Variants in ZFHX4 observed in about 807,000 individuals in gnomAD.
ZFHX4 encodes zinc finger homeobox protein 4.
A neutral mutation model predicts 267.6 loss-of-function variants in ZFHX4; 56 were observed. That is an observed-to-expected ratio of 0.21 (90% CI 0.17 to 0.26). ZFHX4 has a LOEUF of 0.26. Among genes scored for constraint, ZFHX4 ranks in the 10% least tolerant of loss-of-function variants. The probability of loss-of-function intolerance (pLI) is 1.00; values close to 1 mark genes in which losing one functional copy is unlikely to be tolerated. For missense variants in ZFHX4, 4,332 were observed against 4,420.0 expected, an observed-to-expected ratio of 0.98 and a Z score of 0.56; for synonymous variants, 1,778 against 1,665.6, an observed-to-expected ratio of 1.07 and a Z score of -1.64.
chr8:76,810,360 A>C (rs1219910852), intron 4 of ZFHX4, among the ~76,000 whole-genome samples: 1 of 152,186 alleles, frequency 6.6e-6, no homozygotes, highest in East Asian at 1.9e-4. Flanking sequence ...TTTGTCTGAT[A>C]GAGCTGGCCA....
At chr8:76,753,087 A>G (rs1809664433) in intron 3 of ZFHX4, among the ~76,000 whole-genome samples, 1 of 152,220 alleles carries the variant, frequency 6.6e-6, no homozygotes, top group South Asian at 2.1e-4. Flanking sequence ...TAAAAATGAT[A>G]TTAGTATTTC....
intron 3 of ZFHX4, among the ~76,000 whole-genome samples, chr8:76,736,544 A>G (rs1405696316): frequency 6.6e-6 from 1 of 152,094 alleles, no homozygotes; most frequent in Non-Finnish European, 1.5e-5. Context: ...GCAGATCAAA[A>G]AGAGAAATAT....
At chr8:76,773,430 T>G (rs1810320044) in intron 3 of ZFHX4, among the ~76,000 whole-genome samples, 1 of 152,174 alleles carries the variant, frequency 6.6e-6, no homozygotes, top group South Asian at 2.1e-4. Flanking sequence ...AGTGTTAAGT[T>G]TAAGATTCAG....
chr8:76,858,175 G>A (rs766899521), intron 10 of ZFHX4, among the ~76,000 whole-genome samples: 5 of 152,170 alleles, frequency 3.3e-5, no homozygotes, highest in Non-Finnish European at 5.9e-5. Context: ...TGATATGGGC[G>A]CCCAGAGGGC....
At chr8:76,702,259 A>G (rs1013095623) in intron 1 of ZFHX4, among the ~76,000 whole-genome samples, 1 of 152,168 alleles carries the variant, frequency 6.6e-6, no homozygotes, top group African/African-American at 2.4e-5. Context: ...TCAGATACCA[A>G]AACGAATTTT....
chr8:76,758,868 T>C (rs1429147845), intron 3 of ZFHX4, among the ~76,000 whole-genome samples: 3 of 152,128 alleles, frequency 2.0e-5, no homozygotes, highest in East Asian at 3.9e-4. Flanking sequence ...GGCACCTTCA[T>C]TGGTTGTTCC....
chr8:76,729,985 C>T (rs1024073698), intron 3 of ZFHX4, among the ~76,000 whole-genome samples: 3 of 152,094 alleles, frequency 2.0e-5, no homozygotes, highest in Admixed American at 1.3e-4. Context: ...GAGATCCTTC[C>T]GTGTAACTGG....
intron 1 of ZFHX4, among the ~76,000 whole-genome samples, chr8:76,690,682 C>T (rs1478122578): frequency 6.6e-6 from 1 of 151,798 alleles, no homozygotes; most frequent in Non-Finnish European, 1.5e-5. Flanking sequence ...GTTTCATCAT[C>T]CCTAACACTC....
intron 4 of ZFHX4, among the ~76,000 whole-genome samples, chr8:76,795,383 A>G (rs1810950892): frequency 1.3e-5 from 2 of 151,958 alleles, no homozygotes; most frequent in Admixed American, 1.3e-4. Context: ...AAGTGATCCT[A>G]TTGCCTAAGC....
rs561594863 is a variant in ZFHX4, at chr8:76,863,624, C to A, written c.9910C>A (p.Pro3304Thr). 17 of 1,613,088 alleles carry A rather than the reference C, an allele frequency of 1.1e-5. No individual in the cohort carries two copies. Among genetic ancestry groups the A allele is most frequent in the Non-Finnish European group, 1.7e-6 (2 of 1,179,634 alleles). Residue 3304 changes from proline (P) to threonine (T), a missense_variant, in exon 11 of 11, where the codon CCC becomes ACC. Pro to Thr is a conservative substitution (Grantham distance 38). Around this residue, in one of 7 missense-constraint regions of ZFHX4, gnomAD observed 1,648 missense variants for 1,625.0 expected, o/e 1.01. Transcript: ENST00000651372. ...CCTCTTTCCTTATGGCCCTACAATGCCCCAGACACTGGCAGGTCTGTCCCC... is the reference window on the plus strand; with the variant it reads ...CCTCTTTCCTTATGGCCCTACAATGACCCAGACACTGGCAGGTCTGTCCCC... ...ESLFPYGPTM[P>T]QTLAGLSPGA...
chr8:76,745,055 T>G (rs1339315836), intron 3 of ZFHX4, among the ~76,000 whole-genome samples: 4 of 152,172 alleles, frequency 2.6e-5, no homozygotes, highest in Admixed American at 6.5e-5. Flanking sequence ...GCCTTGGTAT[T>G]TCTACAGAGG....
rs1812646428 is a variant in ZFHX4, at chr8:76,854,442, C to G, written c.7521C>G (p.Leu2507=). The change falls in exon 10 of 11, where the codon CTC becomes CTG. Residue 2507 remains leucine, a synonymous_variant. Transcript: ENST00000651372. ...QCTVAFPTLE[L]WQEHQHMHFL... Reference sequence around the variant, plus strand: ...CAGTTGCCTTCCCAACTCTGGAACTCTGGCAGGAACACCAGCACATGCACT... The same window carrying G: ...CAGTTGCCTTCCCAACTCTGGAACTGTGGCAGGAACACCAGCACATGCACT... 1.2e-6 allele frequency: 2 copies of G among 1,613,906 alleles called. No homozygotes were observed. Among genetic ancestry groups the G allele is most frequent in the Admixed American group, 3.3e-5 (2 of 60,010 alleles).
At chr8:76,743,484 A>G (rs59442156) in intron 3 of ZFHX4, among the ~76,000 whole-genome samples, 2,606 of 152,298 alleles carry the variant, frequency 0.017, 84 homozygotes, top group African/African-American at 0.058. Flanking sequence ...ATGAAATTCA[A>G]TGATGGTCAA....
intron 3 of ZFHX4, among the ~76,000 whole-genome samples, chr8:76,766,209 T>C (rs1810047397): frequency 6.6e-6 from 1 of 152,032 alleles, no homozygotes; most frequent in South Asian, 2.1e-4. Flanking sequence ...GGCCAACTGA[T>C]GTCAAAAATT....
At chr8:76,811,018 C>T (rs10106400) in intron 4 of ZFHX4, among the ~76,000 whole-genome samples, 5,520 of 152,216 alleles carry the variant, frequency 0.036, 147 homozygotes, top group African/African-American at 0.073. Context: ...TTAACTTTCA[C>T]CTGGTGGGAA....
intron 3 of ZFHX4, among the ~76,000 whole-genome samples, chr8:76,721,472 C>T (rs902791653): frequency 7.2e-5 from 11 of 152,166 alleles, no homozygotes; most frequent in Non-Finnish European, 1.6e-4. Flanking sequence ...AACTGGAGAG[C>T]TTCTCCCCGT....
intron 3 of ZFHX4, among the ~76,000 whole-genome samples, chr8:76,719,186 G>A (rs1018373398): frequency 1.2e-4 from 18 of 144,716 alleles, no homozygotes; most frequent in Admixed American, 7.6e-4. Context: ...GTGTGTGTGT[G>A]TAAGAGAGAG....
chr8:76,820,323 T>A (rs1811616257), intron 4 of ZFHX4, among the ~76,000 whole-genome samples: 1 of 152,244 alleles, frequency 6.6e-6, no homozygotes. Flanking sequence ...GGTAATCATT[T>A]ATGAATTAAT....
At chr8:76,724,459 T>C (rs796737827) in intron 3 of ZFHX4, among the ~76,000 whole-genome samples, 2 of 152,086 alleles carry the variant, frequency 1.3e-5, no homozygotes, top group East Asian at 3.9e-4. Context: ...TTTCACATTG[T>C]TTTGCCTCTT....
Sources: gnomAD v4.1 joint callset for allele counts (sites outside exome capture counted in the v4.1 genomes callset) on GRCh38, gnomAD v4.1.1 for gene constraint, gnomAD v4.1.1 regional missense constraint, MANE v1.5 for transcripts, NCBI Gene and HGNC (gene_info 2026-07-23, HGNC 2026-07-21) for gene names.